Variants in VSTM4 observed in about 807,000 individuals in gnomAD.
VSTM4 encodes V-set and transmembrane domain-containing protein 4.
VSTM4 carries 20 observed loss-of-function variants against 36.4 expected under a neutral mutation model. The ratio of observed to expected loss-of-function variants is 0.55; its 90% CI spans 0.39 to 0.80. The LOEUF (loss-of-function observed/expected upper bound fraction) is 0.80, where lower values mean the gene tolerates loss of function less well. VSTM4 is among the 30% of genes least tolerant of loss of function. The pLI, the probability that VSTM4 is intolerant of heterozygous loss-of-function variation, is 0.00. For missense variants in VSTM4, 392 were observed against 404.5 expected, an observed-to-expected ratio of 0.97 and a Z score of 0.26; for synonymous variants, 182 against 173.9, an observed-to-expected ratio of 1.05 and a Z score of -0.37.
At chr10:49,098,673 C>T (rs1844615616) in intron 2 of VSTM4, among the ~76,000 whole-genome samples, 1 of 152,234 alleles carries the variant, frequency 6.6e-6, no homozygotes, top group African/African-American at 2.4e-5. Flanking sequence ...CATGCCGCCC[C>T]CACATAAACC....
intron 7 of VSTM4, among the ~76,000 whole-genome samples, chr10:49,033,230 C>T (rs978059994): frequency 2.6e-5 from 4 of 152,110 alleles, no homozygotes; most frequent in South Asian, 4.1e-4. Context: ...TAGATCTATA[C>T]GTACTGATGT....
chr10:49,094,662 A>G lies in VSTM4; in HGVS notation c.458-8639T>C, dbSNP rs144566787. 2.0e-5 allele frequency among the ~76,000 whole-genome samples: 3 copies of G among 152,310 alleles called. No homozygotes were observed. The East Asian group carries it at 5.8e-4, about 29-fold the overall frequency. On this transcript the variant is annotated intron_variant, in intron 2 of 7. Coordinates refer to ENST00000332853, the MANE Select transcript of VSTM4 (RefSeq NM_001031746.5). ...CACCTTTGTCCCAAATTCAAATTCAATGTATTCAGTTCACTCTCCCTTCTT... is the reference window on the plus strand; with the variant it reads ...CACCTTTGTCCCAAATTCAAATTCAGTGTATTCAGTTCACTCTCCCTTCTT...
At chr10:49,098,281 G>A (rs1263554035) in intron 2 of VSTM4, among the ~76,000 whole-genome samples, 1 of 152,138 alleles carries the variant, frequency 6.6e-6, no homozygotes, top group Non-Finnish European at 1.5e-5. Flanking sequence ...ACTTCATCAC[G>A]TCTCACCTGC....
In VSTM4 at chr10:49,048,758, G is replaced by T. The variant is rs117907996; in HGVS notation, c.669-174C>A. Among the ~76,000 whole-genome samples the T allele has an allele frequency of 4.9e-3, 752 of 152,342 alleles. 3 individuals carry two copies. Among genetic ancestry groups the T allele is most frequent in the Middle Eastern group, 0.014 (4 of 294 alleles). Reference sequence around the variant, plus strand: ...ACACTCTGTGCTCATCTCCAGGGAGGTCTGGAAGTCTGGTACTGATCTTTG... The same window carrying T: ...ACACTCTGTGCTCATCTCCAGGGAGTTCTGGAAGTCTGGTACTGATCTTTG... On this transcript the variant is annotated intron_variant, in intron 5 of 7. Transcript: ENST00000332853.
At chr10:49,102,512 T>C in intron 2 of VSTM4, 3 of 985,452 alleles carry the variant, frequency 3.0e-6, no homozygotes, top group Non-Finnish European at 2.4e-6. Context: ...CCACATAATG[T>C]TGTGTCTACA....
intron 5 of VSTM4, among the ~76,000 whole-genome samples, chr10:49,058,810 A>T (rs1316689612): frequency 6.6e-6 from 1 of 152,142 alleles, no homozygotes; most frequent in Non-Finnish European, 1.5e-5. Context: ...CCCCTGCCTG[A>T]GGGTTTCCAA....
At chr10:49,086,555 T>G (rs1844373721) in intron 2 of VSTM4, among the ~76,000 whole-genome samples, 1 of 152,208 alleles carries the variant, frequency 6.6e-6, no homozygotes. Flanking sequence ...TTTGCCTGCT[T>G]TCAACAGGCA....
chr10:49,084,328 A>G (rs935620318), intron 3 of VSTM4, among the ~76,000 whole-genome samples: 2 of 152,240 alleles, frequency 1.3e-5, no homozygotes, highest in African/African-American at 4.8e-5. Flanking sequence ...AAATACAAAG[A>G]ATCACTGTTG....
At chr10:49,090,766 C>T (rs1844459187) in intron 2 of VSTM4, among the ~76,000 whole-genome samples, 1 of 152,216 alleles carries the variant, frequency 6.6e-6, no homozygotes, top group Non-Finnish European at 1.5e-5. Context: ...GACTGGTCTC[C>T]CAGCAAATAG....
chr10:49,054,282 C>T (rs1843742362), intron 5 of VSTM4, among the ~76,000 whole-genome samples: 1 of 152,264 alleles, frequency 6.6e-6, no homozygotes, highest in Non-Finnish European at 1.5e-5. Flanking sequence ...AACCATCTCC[C>T]TGAAGAGAAG....
chr10:49,082,032 C>T (rs1429282869), intron 3 of VSTM4, among the ~76,000 whole-genome samples: 2 of 152,230 alleles, frequency 1.3e-5, no homozygotes, highest in Non-Finnish European at 2.9e-5. Flanking sequence ...TGGCTGTTCT[C>T]TGCAAACAAC....
chr10:49,090,884 C>T (rs187354547), intron 2 of VSTM4, among the ~76,000 whole-genome samples: 1,704 of 152,206 alleles, frequency 0.011, 20 homozygotes, highest in Non-Finnish European at 0.02. Context: ...GTGACCACTC[C>T]TGCACACACT....
chr10:49,029,619 T>C (rs931367772), intron 7 of VSTM4, among the ~76,000 whole-genome samples: 3 of 152,226 alleles, frequency 2.0e-5, no homozygotes, highest in Non-Finnish European at 1.5e-5. Context: ...GAATGCCTTG[T>C]ATCCAGGTGA....
chr10:49,090,733 C>T (rs911171098), intron 2 of VSTM4, among the ~76,000 whole-genome samples: 63 of 152,240 alleles, frequency 4.1e-4, no homozygotes, highest in African/African-American at 1.4e-3. Context: ...TCCAAGTAGA[C>T]TCTGTCCTGC....
At chr10:49,110,940 T>G (rs1313895945) in intron 1 of VSTM4, among the ~76,000 whole-genome samples, 2 of 152,210 alleles carry the variant, frequency 1.3e-5, no homozygotes, top group Admixed American at 1.3e-4. Flanking sequence ...TACCTGCACC[T>G]TCAGCACCAG....
chr10:49,091,055 C>A (rs1442061666), intron 2 of VSTM4, among the ~76,000 whole-genome samples: 1 of 152,206 alleles, frequency 6.6e-6, no homozygotes, highest in Non-Finnish European at 1.5e-5. Context: ...TAGAAGGAAG[C>A]CCAATTTGAT....
At chr10:49,064,270 A>G (rs1328883464) in intron 5 of VSTM4, 1 of 162,198 alleles carries the variant, frequency 6.2e-6, no homozygotes, top group Non-Finnish European at 1.3e-5. Flanking sequence ...GCTTTGAATT[A>G]GCACTATCTC....
chr10:49,069,643 C>T (rs1160334858), intron 4 of VSTM4, among the ~76,000 whole-genome samples: 2 of 152,226 alleles, frequency 1.3e-5, no homozygotes, highest in Non-Finnish European at 2.9e-5. Flanking sequence ...GCCCAGCCCC[C>T]TCCAGGAATG....
In VSTM4 at chr10:49,111,979, G is replaced by T. The variant is rs561448313; in HGVS notation, c.55+3452C>A. Among the ~76,000 whole-genome samples, 14 of 152,304 alleles carry T rather than the reference G, an allele frequency of 9.2e-5. No individual in the cohort carries two copies. In the East Asian group the frequency reaches 2.7e-3, roughly 29 times the overall value. ...AAATAAAGTTCAAGGCAGCAACAAG[G>T]AATGATTTCCAAGGAGGGAGCCCCA... is the stretch of plus-strand genomic sequence containing the variant. On this transcript the variant is annotated intron_variant, in intron 1 of 7. Transcript: ENST00000332853.
Sources: gnomAD v4.1 joint callset for allele counts (sites outside exome capture counted in the v4.1 genomes callset) on GRCh38, gnomAD v4.1.1 for gene constraint, MANE v1.5 for transcripts, NCBI Gene and HGNC (gene_info 2026-07-23, HGNC 2026-07-21) for gene names.